The following CYP4X1 variants were observed in gnomAD, a reference collection of about 807,000 sequenced individuals.
CYP4X1 encodes the protein cytochrome P450 family 4 subfamily X member 1.
Under a neutral mutation model 57.9 loss-of-function variants are expected in CYP4X1, and 44 were observed. That is an observed-to-expected ratio of 0.76 (90% confidence interval 0.60 to 0.98). CYP4X1 has a LOEUF of 0.98. CYP4X1 is among the 50% of genes least tolerant of loss of function. The pLI is 0.00. For missense variants in CYP4X1, 532 were observed against 623.9 expected, an observed-to-expected ratio of 0.85 and a Z score of 1.57; for synonymous variants, 227 against 228.6, an observed-to-expected ratio of 0.99 and a Z score of 0.06.
chr1:46,985,595 C>T, the CYP4X1 span, among the ~76,000 whole-genome samples: 1 of 152,192 alleles, frequency 6.6e-6, no homozygotes, highest in African/African-American at 2.4e-5. Context: ...CAGAGGCTGA[C>T]AGACACTTCA....
At chr1:47,042,775 G>A (rs150089998) in intron 8 of CYP4X1, among the ~76,000 whole-genome samples, 23 of 152,182 alleles carry the variant, frequency 1.5e-4, no homozygotes, top group East Asian at 3.9e-4. Context: ...AGATTGCTGC[G>A]AATGCCTTTA....
chr1:47,049,600 G>A (rs1435877433), intron 11 of CYP4X1, 96 bp downstream of exon 11: 13 of 1,133,436 alleles, frequency 1.1e-5, no homozygotes, highest in Non-Finnish European at 1.7e-5. Context: ...TTCTTCCAGG[G>A]AACCGTAGAT....
downstream of CYP4X1, among the ~76,000 whole-genome samples, chr1:47,055,182 G>A (rs1007286517): frequency 7.2e-5 from 11 of 152,090 alleles, no homozygotes; most frequent in Non-Finnish European, 4.4e-5. Context: ...ATAATCATGT[G>A]GTTTTTGTCT....
the CYP4X1 span, among the ~76,000 whole-genome samples, chr1:46,965,696 G>A: frequency 6.6e-6 from 1 of 152,256 alleles, no homozygotes; most frequent in Non-Finnish European, 1.5e-5. Context: ...TCAGGGACCA[G>A]CTTAAAGAAG....
At chr1:47,041,558 C>T (rs959356227) in intron 8 of CYP4X1, among the ~76,000 whole-genome samples, 2 of 152,046 alleles carry the variant, frequency 1.3e-5, no homozygotes, top group Non-Finnish European at 2.9e-5. Flanking sequence ...GTTTTAAATA[C>T]CTGCTGGCCA....
rs773293791 is a variant in CYP4X1 at position 47,030,069 on chromosome 1, C to A, written c.257C>A (p.Pro86His). Residue 86 changes from proline to histidine, a missense_variant, in exon 2 of 12, where the codon CCC becomes CAC. Physicochemically the swap from Pro to His is moderately conservative, Grantham distance 77. Transcript: ENST00000371901. ...CGTGCCTTCCCTTTCTGGATTGGGC[C>A]CTTTCAGGCATTTTTCTGTATCTAT... ...YPRAFPFWIG[P>H]FQAFFCIYDP... 6.2e-7 allele frequency: 1 copy of A among 1,613,952 alleles called. No individual in the cohort carries two copies. Among genetic ancestry groups the A allele is most frequent in the South Asian group, 1.1e-5 (1 of 91,050 alleles).
chr1:47,031,235 G>A (rs1644120625), intron 2 of CYP4X1, among the ~76,000 whole-genome samples: 1 of 152,224 alleles, frequency 6.6e-6, no homozygotes, highest in Non-Finnish European at 1.5e-5. Flanking sequence ...TGCCTCATAG[G>A]GCTTGCTGTT....
chr1:46,974,867 G>T, the CYP4X1 span, among the ~76,000 whole-genome samples: 1 of 151,938 alleles, frequency 6.6e-6, no homozygotes, highest in Non-Finnish European at 1.5e-5. Flanking sequence ...ATACAGTTGA[G>T]TCTTGCTTTT....
chr1:47,038,741 T>C lies in CYP4X1; in HGVS notation c.857T>C (p.Phe286Ser). ...ACTCCGAAGAGGAAGTACCAGGATT[T>C]TCTGGATATTGTCCTTTCTGCCAAG... ...DNTPKRKYQD[F>S]LDIVLSAKDE... The change falls in exon 7 of 12, where the codon TTT becomes TCT. Residue 286 changes from phenylalanine to serine, a missense_variant. Coordinates refer to ENST00000371901, the MANE Select transcript of CYP4X1 (RefSeq NM_178033.2). The C allele has an allele frequency of 6.2e-7, 1 of 1,610,422 alleles. No individual in the cohort carries two copies. The highest frequency in any genetic ancestry group is 8.5e-7 in the Non-Finnish European group (1 of 1,178,282).
the CYP4X1 span, among the ~76,000 whole-genome samples, chr1:47,005,318 CA>C: frequency 6.6e-6 from 1 of 152,156 alleles, no homozygotes; most frequent in Non-Finnish European, 1.5e-5. Context: ...CTGTCCCAAG[CA>C]GGGGGCTTGG....
chr1:46,981,331 A>G, the CYP4X1 span, among the ~76,000 whole-genome samples: 1 of 152,262 alleles, frequency 6.6e-6, no homozygotes, highest in South Asian at 2.1e-4. Flanking sequence ...GGATATGAAC[A>G]GACACTTCTC....
Position 47,038,816 on chromosome 1 carries a change from A to C in CYP4X1, c.882+50A>C, listed in dbSNP as rs181567268. The stretch of plus-strand genomic sequence containing the variant: ...TGCTCAAGTGACCAGTTAATTATGT[A>C]AGTAGGTGGGTAAGTGGGAATGGGA... On this transcript the variant is annotated intron_variant, in intron 7 of 11. Coordinates refer to ENST00000371901, the MANE Select transcript of CYP4X1 (RefSeq NM_178033.2). 3.9e-5 allele frequency: 58 copies of C among 1,492,928 alleles called. No individual in the cohort carries two copies. In the East Asian group the frequency reaches 1.3e-3, roughly 33 times the overall value. The allele number at this position is 1,492,928 out of a possible 1,614,324, so 92.5% of individuals were successfully genotyped here.
the CYP4X1 span, among the ~76,000 whole-genome samples, chr1:46,993,427 T>C: frequency 1.6e-4 from 24 of 152,234 alleles, no homozygotes; most frequent in Non-Finnish European, 2.9e-4. Flanking sequence ...GCATGATTTA[T>C]AATCCTTTGG....
At chr1:46,989,685 A>G in the CYP4X1 span, among the ~76,000 whole-genome samples, 1 of 152,250 alleles carries the variant, frequency 6.6e-6, no homozygotes, top group Admixed American at 6.5e-5. Context: ...ACAGCATAGT[A>G]CTGGTACCAA....
intron 2 of CYP4X1, among the ~76,000 whole-genome samples, chr1:47,031,016 C>T (rs955948771): frequency 1.3e-5 from 2 of 152,310 alleles, no homozygotes; most frequent in African/African-American, 4.8e-5. Flanking sequence ...AGTAGAACAC[C>T]TCCACTTTGG....
intron 4 of CYP4X1, among the ~76,000 whole-genome samples, chr1:47,034,123 C>T (rs9793471): frequency 0.46 from 69,744 of 152,058 alleles, 17,863 homozygotes; most frequent in East Asian, 0.97. Flanking sequence ...TGCCATGAAA[C>T]ATAAGCTGGA....
the CYP4X1 span, among the ~76,000 whole-genome samples, chr1:46,973,156 T>C: frequency 1.3e-5 from 2 of 152,168 alleles, no homozygotes; most frequent in African/African-American, 4.8e-5. Context: ...TTGAGTTTTA[T>C]TGACAACCTT....
chr1:47,048,773 T>G (rs780547005), intron 10 of CYP4X1, 144 bp downstream of exon 10: 80 of 805,132 alleles, frequency 9.9e-5, no homozygotes, highest in Non-Finnish European at 1.4e-5. Flanking sequence ...AAAAGAAATG[T>G]AAAACTATTC....
the CYP4X1 span, among the ~76,000 whole-genome samples, chr1:46,985,784 G>A: frequency 1.3e-5 from 2 of 152,298 alleles, no homozygotes; most frequent in African/African-American, 2.4e-5. Flanking sequence ...ACGCTTTACT[G>A]TTAGAAGGAA....
Sources: allele counts gnomAD v4.1 joint callset (sites outside exome capture counted in the v4.1 genomes callset), GRCh38; gene constraint gnomAD v4.1.1; transcripts MANE v1.5; gene names NCBI Gene and HGNC (gene_info 2026-07-23, HGNC 2026-07-21).